Variants in HELB observed in about 807,000 individuals in gnomAD.
HELB encodes the protein DNA 5'-3' helicase B.
In HELB, 96 loss-of-function variants were observed where a neutral mutation model predicts 101.7. That is an observed-to-expected ratio of 0.94 (90% CI 0.80 to 1.12). The LOEUF is 1.12. Ranked by LOEUF, HELB falls within the 50% of genes most tolerant of loss-of-function variation. The pLI, the probability that HELB is intolerant of heterozygous loss-of-function variation, is 0.00. For synonymous variants in HELB, 437 were observed against 459.7 expected (o/e 0.95, Z 0.63); for missense variants, 1,210 against 1,291.9 (o/e 0.94, Z 0.97).
At chr12:66,312,274 G>A (rs1165445672) in intron 4 of HELB, among the ~76,000 whole-genome samples, 2 of 152,100 alleles carry the variant, frequency 1.3e-5, no homozygotes, top group African/African-American at 4.8e-5. Context: ...TCTTTCCATG[G>A]TGTCATTATT....
At chr12:66,323,118 A>C (rs756272536) in intron 9 of HELB, among the ~76,000 whole-genome samples, 1 of 152,158 alleles carries the variant, frequency 6.6e-6, no homozygotes, top group Non-Finnish European at 1.5e-5. Context: ...TCTTAGCAAC[A>C]GGGTGCCTGC....
intron 4 of HELB, among the ~76,000 whole-genome samples, chr12:66,311,285 AC>A (rs1441030501): frequency 6.6e-6 from 1 of 151,912 alleles, no homozygotes; most frequent in African/African-American, 2.4e-5. Flanking sequence ...ACATAGTGAG[AC>A]CCCCATCTCT....
chr12:66,317,670 T>A (rs944100694), intron 6 of HELB, among the ~76,000 whole-genome samples: 3 of 152,190 alleles, frequency 2.0e-5, no homozygotes, highest in African/African-American at 7.2e-5. Context: ...TTAATCATAA[T>A]CCTCAAGTAT....
intron 7 of HELB, among the ~76,000 whole-genome samples, chr12:66,319,253 A>G (rs182900274): frequency 2.0e-5 from 3 of 152,336 alleles, no homozygotes; most frequent in Non-Finnish European, 2.9e-5. Context: ...TTAATTCCTA[A>G]TAGTTCTGTT....
intron 6 of HELB, among the ~76,000 whole-genome samples, chr12:66,317,201 A>T (rs2053617676): frequency 6.6e-6 from 1 of 152,076 alleles, no homozygotes; most frequent in Non-Finnish European, 1.5e-5. Context: ...CATCTCAAAA[A>T]AAAAAAATTG....
At chr12:66,322,174 A>AT in intron 8 of HELB, 145 bp downstream of exon 8, 1 of 524,964 alleles carries the variant, frequency 1.9e-6, no homozygotes, top group Non-Finnish European at 3.4e-6. Flanking sequence ...TTTGTTAGAC[A>AT]TGGCAGAGGG....
chr12:66,321,472 T>C (rs1283924947), intron 7 of HELB: 1 of 156,446 alleles, frequency 6.4e-6, no homozygotes, highest in African/African-American at 2.4e-5. Context: ...ATATCAGCTC[T>C]GAATATAAGA....
At chr12:66,312,771 C>T (rs550727364) in intron 4 of HELB, among the ~76,000 whole-genome samples, 3 of 152,162 alleles carry the variant, frequency 2.0e-5, no homozygotes, top group African/African-American at 7.2e-5. Flanking sequence ...CTAGGGTTGC[C>T]AGATTTATCA....
At position 66,306,347 on chromosome 12, in the gene HELB, C is replaced by A; in HGVS notation, c.610C>A (p.Pro204Thr). Residue 204 changes from proline (P) to threonine (T), a missense_variant and splice_region_variant, in exon 3 of 13, where the codon CCA becomes ACA. By Grantham distance (38) the Pro-to-Thr change is conservative. Coordinates refer to ENST00000247815, the MANE Select transcript of HELB (RefSeq NM_001370285.1). ...EMSLPLENTI[P>T]FRNVMTALQF... ...TGTTCCTTTCTGATATCTTGTAGTT[C>A]CATTTAGAAATGTAATGACAGCTTT... The A allele has an allele frequency of 6.3e-7, 1 of 1,578,698 alleles. No homozygotes were observed. The highest frequency in any genetic ancestry group is 8.6e-7 in the Non-Finnish European group (1 of 1,164,954).
Position 66,310,025 on chromosome 12 carries a change from C to G in HELB, c.1097C>G (p.Ser366Ter). The change falls in exon 4 of 13, where the codon TCA (serine) becomes TGA (stop). Residue 366 changes from serine to a stop codon, truncating the protein, a stop_gained. Transcript: ENST00000247815. LOFTEE classifies it high-confidence loss of function. ...CATGCTGAAAGAGCCATCGCCTTTT[C>G]AATTTGTGACCTGATGAAGAAACCT... ...LYHAERAIAF[S>*]ICDLMKKPPW... 3.1e-6 allele frequency: 5 copies of G among 1,614,150 alleles called. No individual in the cohort carries two copies. Among genetic ancestry groups the G allele is most frequent in the Non-Finnish European group, 3.4e-6 (4 of 1,180,036 alleles).
intron 4 of HELB, among the ~76,000 whole-genome samples, chr12:66,311,573 G>A (rs1592634135): frequency 6.6e-6 from 1 of 152,286 alleles, no homozygotes; most frequent in Non-Finnish European, 1.5e-5. Context: ...ACATGTCACA[G>A]TCCATAGACC....
intron 11 of HELB, among the ~76,000 whole-genome samples, chr12:66,327,270 G>A (rs1415649265): frequency 2.0e-5 from 3 of 151,498 alleles, no homozygotes; most frequent in East Asian, 1.9e-4. Flanking sequence ...CTGGCTCTGG[G>A]TCCTGAAGAA....
intron 11 of HELB, among the ~76,000 whole-genome samples, chr12:66,327,183 G>T (rs1379238197): frequency 6.6e-6 from 1 of 150,836 alleles, no homozygotes; most frequent in East Asian, 1.9e-4. Flanking sequence ...GTTTGCTAAT[G>T]TCGATTGCAG....
In HELB at chr12:66,325,023, C is replaced by T; in HGVS notation, c.2567C>T (p.Thr856Ile). Residue 856 changes from threonine to isoleucine, a missense_variant, in exon 11 of 13, where the codon ACC becomes ATC. Transcript: ENST00000247815. ...DVTFGKRRSLTINNMAGLEVT... is the reference protein window; with the variant it reads ...DVTFGKRRSLIINNMAGLEVT... ...ACTTTTGGAAAGAGAAGATCTTTGACCATTAATAATATGGCTGGCCTGGAA... is the reference window on the plus strand; with the variant it reads ...ACTTTTGGAAAGAGAAGATCTTTGATCATTAATAATATGGCTGGCCTGGAA... 1 of 1,612,354 alleles carries T rather than the reference C, an allele frequency of 6.2e-7. No individual in the cohort carries two copies. Among genetic ancestry groups the T allele is most frequent in the Non-Finnish European group, 8.5e-7 (1 of 1,178,510 alleles).
At chr12:66,328,283 T>A (rs2053765634) in intron 11 of HELB, among the ~76,000 whole-genome samples, 1 of 152,142 alleles carries the variant, frequency 6.6e-6, no homozygotes, top group Non-Finnish European at 1.5e-5. Flanking sequence ...GATACTAGGC[T>A]GGGCACAGTG....
Position 66,313,903 on chromosome 12 carries a change from T to G in HELB, c.1681-83T>G, listed in dbSNP as rs2053570811. On this transcript the variant is annotated intron_variant, in intron 4 of 12. Transcript: ENST00000247815. ...CACCCACCCCTGCCAATTTACGAGT[T>G]TTGCCCCAAAATAACTTGCTATTAA... 3.8e-6 allele frequency: 5 copies of G among 1,298,730 alleles called. No individual in the cohort carries two copies. In the Admixed American group the frequency reaches 7.0e-5, roughly 18 times the overall value. 80.5% of individuals were successfully genotyped at this position (1,298,730 alleles called of 1,614,324 possible).
At position 66,323,966 on chromosome 12, in the gene HELB, A is replaced by G. The variant is rs369051976; in HGVS notation, c.2298-17A>G. ...ACTTTCCAAACTTTGATTATATATTATCATTTTCTATCCCAGAGACCATCA... is the reference window on the plus strand; with the variant it reads ...ACTTTCCAAACTTTGATTATATATTGTCATTTTCTATCCCAGAGACCATCA... On this transcript the variant is annotated splice_polypyrimidine_tract_variant and intron_variant, in intron 9 of 12. Transcript: ENST00000247815. The G allele has an allele frequency of 7.8e-6, 12 of 1,539,292 alleles. No individual in the cohort carries two copies. The highest frequency in any genetic ancestry group is 5.0e-5 in the Admixed American group (3 of 59,592).
chr12:66,327,311 T>C (rs1442744706), intron 11 of HELB, among the ~76,000 whole-genome samples: 2 of 151,826 alleles, frequency 1.3e-5, no homozygotes, highest in African/African-American at 4.8e-5. Flanking sequence ...GATGCCATCC[T>C]TCACCTTTAC....
At chr12:66,321,715 G>T in intron 7 of HELB, 1 of 429,396 alleles carries the variant, frequency 2.3e-6, no homozygotes, top group South Asian at 2.2e-5. Flanking sequence ...TCCTGGCCAG[G>T]GGTTGACCTC....
Sources: gnomAD v4.1 joint callset for allele counts (sites outside exome capture counted in the v4.1 genomes callset) on GRCh38, gnomAD v4.1.1 for gene constraint, MANE v1.5 for transcripts, NCBI Gene and HGNC (gene_info 2026-07-23, HGNC 2026-07-21) for gene names.